THBS4: variants seen among roughly 807,000 people sequenced by gnomAD.
THBS4 encodes the protein thrombospondin-4.
THBS4 carries 90 observed loss-of-function variants against 115.7 expected under a neutral mutation model. That is an observed-to-expected ratio of 0.78 (90% CI 0.66 to 0.93). The LOEUF (loss-of-function observed/expected upper bound fraction) is 0.93, where lower values mean the gene tolerates loss of function less well. Among genes scored for constraint, THBS4 ranks in the 40% least tolerant of loss-of-function variants. The probability of loss-of-function intolerance (pLI) is 0.00; values close to 1 mark genes in which losing one functional copy is unlikely to be tolerated. For missense variants in THBS4, 1,087 were observed against 1,232.7 expected (o/e 0.88, Z 1.77); for synonymous variants, 460 against 479.3 (o/e 0.96, Z 0.53).
At chr5:80,050,388 T>A (rs1833216614) in intron 2 of THBS4, among the ~76,000 whole-genome samples, 1 of 152,038 alleles carries the variant, frequency 6.6e-6, no homozygotes, top group Non-Finnish European at 1.5e-5. Flanking sequence ...GGAAATGAAA[T>A]CATAGTGGGT....
intron 1 of THBS4, among the ~76,000 whole-genome samples, chr5:79,992,817 A>C (rs1279918466): frequency 1.3e-5 from 2 of 152,234 alleles, no homozygotes; most frequent in Non-Finnish European, 2.9e-5. Flanking sequence ...GGGACAGTGC[A>C]TCCTCTGTGT....
At chr5:80,033,127 TACAC>T, upstream of THBS4, 1 of 317,058 alleles carries the variant, frequency 3.2e-6, no homozygotes, top group Non-Finnish European at 6.6e-6. Context: ...TCAACAAAAA[TACAC>T]ACGGTCATAA....
rs181687233 is a variant in THBS4, at chr5:80,008,762, G to A, written n.177+10335G>A. Among the ~76,000 whole-genome samples, 888 of 152,262 alleles carry A rather than the reference G, an allele frequency of 5.8e-3. 8 individuals carry two copies. Among genetic ancestry groups the A allele is most frequent in the African/African-American group, 0.019 (798 of 41,552 alleles). On this transcript the variant is annotated intron_variant and non_coding_transcript_variant, in intron 2 of 3. Coordinates refer to the THBS4 transcript ENST00000510218. The stretch of plus-strand genomic sequence containing the variant: ...TCGCCTCTACCACCAGATGCCAGTA[G>A]CATACCCTGGTTGTGACAACCAAAA...
intron 3 of THBS4, among the ~76,000 whole-genome samples, chr5:80,057,941 T>C (rs1016867722): frequency 4.6e-5 from 7 of 152,224 alleles, no homozygotes; most frequent in Admixed American, 6.5e-5. Flanking sequence ...TCCTTTACCA[T>C]GTAGGAAAAG....
intron 2 of THBS4, among the ~76,000 whole-genome samples, chr5:80,030,199 T>TA (rs1832559332): frequency 6.6e-6 from 1 of 151,934 alleles, no homozygotes; most frequent in Non-Finnish European, 1.5e-5. Context: ...CTTTTTTTTT[T>TA]ATTATTTTTA....
intron 2 of THBS4, among the ~76,000 whole-genome samples, chr5:79,998,586 C>T (rs1045186773): frequency 6.6e-5 from 10 of 152,212 alleles, no homozygotes; most frequent in African/African-American, 2.4e-4. Context: ...TCTGAATGAA[C>T]TCTGTGGTTT....
intron 2 of THBS4, among the ~76,000 whole-genome samples, chr5:80,009,033 C>T (rs1047108595): frequency 2.0e-5 from 3 of 152,082 alleles, no homozygotes; most frequent in African/African-American, 7.2e-5. Context: ...AGCTGGTAGA[C>T]GTGGGATTAT....
At chr5:80,028,985 T>G (rs889290379) in intron 2 of THBS4, among the ~76,000 whole-genome samples, 2 of 152,158 alleles carry the variant, frequency 1.3e-5, no homozygotes, top group Admixed American at 1.3e-4. Flanking sequence ...CTGTTGAAAG[T>G]TAACTACTAA....
At chr5:80,005,362 ATAGT>A (rs754430944) in intron 2 of THBS4, among the ~76,000 whole-genome samples, 3 of 152,248 alleles carry the variant, frequency 2.0e-5, no homozygotes, top group South Asian at 2.1e-4. Context: ...ACAAATAAGC[ATAGT>A]TAAAGGTTAA....
chr5:80,032,077 A>C (rs1282213739), upstream of THBS4, among the ~76,000 whole-genome samples: 1 of 152,236 alleles, frequency 6.6e-6, no homozygotes, highest in African/African-American at 2.4e-5. Flanking sequence ...ATTAAAATAA[A>C]TGAAATAAAA....
chr5:80,022,750 G>C (rs144962316), intron 2 of THBS4, among the ~76,000 whole-genome samples: 1 of 152,268 alleles, frequency 6.6e-6, no homozygotes, highest in African/African-American at 2.4e-5. Context: ...TCATAAATAC[G>C]TTCATAACAA....
intron 2 of THBS4, among the ~76,000 whole-genome samples, chr5:80,047,896 C>T (rs1376154420): frequency 1.3e-5 from 2 of 151,932 alleles, no homozygotes; most frequent in South Asian, 2.1e-4. Flanking sequence ...CCACCCACCT[C>T]GGCCTCCCAA....
chr5:80,032,179 C>G (rs1200677155), upstream of THBS4, among the ~76,000 whole-genome samples: 1 of 152,082 alleles, frequency 6.6e-6, no homozygotes, highest in East Asian at 1.9e-4. Context: ...TATTTCATAG[C>G]TAATTAAATT....
At chr5:80,007,897 G>A (rs2151152997) in intron 2 of THBS4, among the ~76,000 whole-genome samples, 1 of 152,274 alleles carries the variant, frequency 6.6e-6, no homozygotes, top group South Asian at 2.1e-4. Context: ...ATAGTAATTA[G>A]TTGGTTTTGA....
intron 2 of THBS4, among the ~76,000 whole-genome samples, chr5:79,998,810 G>C (rs1408232237): frequency 1.3e-5 from 2 of 152,226 alleles, no homozygotes; most frequent in Non-Finnish European, 2.9e-5. Flanking sequence ...CCAGATGGCA[G>C]CTAAAAATGT....
chr5:80,047,934 C>T (rs143863994), intron 2 of THBS4, among the ~76,000 whole-genome samples: 3 of 151,968 alleles, frequency 2.0e-5, no homozygotes, highest in Non-Finnish European at 4.4e-5. Flanking sequence ...CATGAGCCAC[C>T]GCACCCAGCC....
chr5:80,000,125 T>G (rs962778243), intron 2 of THBS4, among the ~76,000 whole-genome samples: 13 of 152,222 alleles, frequency 8.5e-5, no homozygotes, highest in Middle Eastern at 3.2e-3. Context: ...TAAATACTTA[T>G]GAATTATTAT....
upstream of THBS4, among the ~76,000 whole-genome samples, chr5:80,032,436 G>T (rs138188849): frequency 3.1e-4 from 47 of 152,326 alleles, no homozygotes; most frequent in African/African-American, 1.0e-3. Flanking sequence ...TAACAGGATA[G>T]ATAGGAAGGG....
At chr5:79,997,030 G>GTTT (rs201267378) in intron 1 of THBS4, among the ~76,000 whole-genome samples, 2 of 138,770 alleles carry the variant, frequency 1.4e-5, no homozygotes, top group Non-Finnish European at 1.6e-5. Flanking sequence ...AATCAAAATA[G>GTTT]TTTTTTTTTT....
Sources: allele counts gnomAD v4.1 joint callset (sites outside exome capture counted in the v4.1 genomes callset), GRCh38; gene constraint gnomAD v4.1.1; transcripts MANE v1.5; gene names NCBI Gene and HGNC (gene_info 2026-07-23, HGNC 2026-07-21).